Variants in SGK1 observed in about 807,000 individuals in gnomAD.
SGK1 encodes the protein serine/threonine-protein kinase Sgk1.
Under a neutral mutation model 64.2 loss-of-function variants are expected in SGK1, and 26 were observed. The observed-to-expected ratio is 0.40, with a 90% CI of 0.30 to 0.56. SGK1 has a LOEUF of 0.56. Among genes scored for constraint, SGK1 ranks in the 20% least tolerant of loss-of-function variants. The pLI is 0.38. For missense variants in SGK1, 519 were observed against 645.6 expected, an observed-to-expected ratio of 0.80 and a Z score of 2.12; for synonymous variants, 265 against 239.7, an observed-to-expected ratio of 1.11 and a Z score of -0.98.
chr6:134,307,161 T>C (rs1213505710), intron 1 of SGK1, among the ~76,000 whole-genome samples: 1 of 152,260 alleles, frequency 6.6e-6, no homozygotes, highest in African/African-American at 2.4e-5. Context: ...TTTAATGTGT[T>C]TGCTTTGCAC....
At chr6:134,316,746 A>G (rs1327912155) in intron 1 of SGK1, among the ~76,000 whole-genome samples, 1 of 56,128 alleles carries the variant, frequency 1.8e-5, no homozygotes, top group African/African-American at 6.7e-5. Flanking sequence ...TCTCTCCCAA[A>G]AAAAAAAAAA....
intron 3 of SGK1, among the ~76,000 whole-genome samples, chr6:134,186,964 C>T (rs1478610089): frequency 6.6e-6 from 1 of 151,914 alleles, no homozygotes; most frequent in Non-Finnish European, 1.5e-5. Context: ...TTACAGGCAC[C>T]CACCACTATG....
At chr6:134,228,436 T>C (rs1490360750) in intron 2 of SGK1, among the ~76,000 whole-genome samples, 1 of 152,130 alleles carries the variant, frequency 6.6e-6, no homozygotes, top group Admixed American at 6.6e-5. Flanking sequence ...TGAAAAAAGG[T>C]AAGAGGGGCA....
chr6:134,284,457 TATG>T (rs1777147195), intron 1 of SGK1, among the ~76,000 whole-genome samples: 1 of 151,378 alleles, frequency 6.6e-6, no homozygotes, highest in African/African-American at 2.4e-5. Context: ...AGTGAGAACA[TATG>T]ATATTTGGCT....
intron 1 of SGK1, among the ~76,000 whole-genome samples, chr6:134,294,261 T>G (rs1777307878): frequency 6.6e-6 from 1 of 152,166 alleles, no homozygotes; most frequent in African/African-American, 2.4e-5. Flanking sequence ...TTTACCACTT[T>G]AGCCATTTTT....
At chr6:134,267,871 T>C (rs1055720052) in intron 1 of SGK1, among the ~76,000 whole-genome samples, 1 of 152,178 alleles carries the variant, frequency 6.6e-6, no homozygotes, top group African/African-American at 2.4e-5. Flanking sequence ...TGTTGCTGAA[T>C]TTTACTGCAT....
chr6:134,296,735 CTT>C (rs999141146), intron 1 of SGK1, among the ~76,000 whole-genome samples: 2 of 81,540 alleles, frequency 2.5e-5, no homozygotes, highest in Non-Finnish European at 4.8e-5. Flanking sequence ...GCATTCAGCT[CTT>C]TTTTTTTTGG....
At chr6:134,179,905 G>A (rs1231653226) in intron 3 of SGK1, among the ~76,000 whole-genome samples, 1 of 152,134 alleles carries the variant, frequency 6.6e-6, no homozygotes, top group Non-Finnish European at 1.5e-5. Context: ...AAATTAAAGA[G>A]AAGCCAGTGG....
chr6:134,181,117 G>A (rs1308440835), intron 3 of SGK1, among the ~76,000 whole-genome samples: 2 of 152,166 alleles, frequency 1.3e-5, no homozygotes, highest in East Asian at 3.9e-4. Flanking sequence ...TCCCCCACAA[G>A]TCCAGCAGCC....
At chr6:134,235,279 G>C (rs1776344506) in intron 2 of SGK1, among the ~76,000 whole-genome samples, 1 of 152,174 alleles carries the variant, frequency 6.6e-6, no homozygotes, top group South Asian at 2.1e-4. Context: ...GATGTGCTAT[G>C]TAAGCTTTCA....
intron 2 of SGK1, chr6:134,260,436 C>T: frequency 7.3e-6 from 1 of 137,892 alleles, no homozygotes; most frequent in Non-Finnish European, 1.5e-5. Flanking sequence ...ATTTGGAAAG[C>T]CGACGCAGGT....
At chr6:134,274,757 A>G (rs1319684954) in intron 1 of SGK1, among the ~76,000 whole-genome samples, 1 of 150,994 alleles carries the variant, frequency 6.6e-6, no homozygotes, top group Non-Finnish European at 1.5e-5. Flanking sequence ...CGATTCCTAA[A>G]GCCATTCCTT....
chr6:134,185,140 T>C (rs1775401545), intron 3 of SGK1, among the ~76,000 whole-genome samples: 1 of 152,242 alleles, frequency 6.6e-6, no homozygotes, highest in Non-Finnish European at 1.5e-5. Flanking sequence ...TAGAAAAGTA[T>C]GCCATTGTAA....
At chr6:134,284,696 T>C (rs1777155296) in intron 1 of SGK1, among the ~76,000 whole-genome samples, 2 of 152,086 alleles carry the variant, frequency 1.3e-5, no homozygotes, top group African/African-American at 2.4e-5. Context: ...ACAGGCCAGT[T>C]TGGTCTCTAA....
At chr6:134,307,676 C>T (rs117411087) in intron 1 of SGK1, among the ~76,000 whole-genome samples, 1,885 of 152,248 alleles carry the variant, frequency 0.012, 18 homozygotes, top group South Asian at 0.026. Context: ...AAGGTATGTA[C>T]GTGTTCAGTA....
chr6:134,297,580 G>C (rs1322689296), intron 1 of SGK1: 1 of 488,622 alleles, frequency 2.0e-6, no homozygotes, highest in Non-Finnish European at 4.0e-6. Flanking sequence ...TCGGCTCACT[G>C]CAAGCTCCGC....
At chr6:134,288,537 A>G (rs1325191514) in intron 1 of SGK1, among the ~76,000 whole-genome samples, 1 of 152,200 alleles carries the variant, frequency 6.6e-6, no homozygotes, top group Non-Finnish European at 1.5e-5. Flanking sequence ...CCATTTTATG[A>G]TGAGAAATAC....
chr6:134,296,907 G>C, intron 1 of SGK1: 1 of 326,344 alleles, frequency 3.1e-6, no homozygotes. Flanking sequence ...TGGGTCTCCT[G>C]TTCCCTGTCC....
chr6:134,262,338 A>T (rs754640109), intron 1 of SGK1, among the ~76,000 whole-genome samples, 190 bp from the exon 2 acceptor site: 2 of 152,106 alleles, frequency 1.3e-5, no homozygotes, highest in African/African-American at 4.8e-5. Context: ...TAGAGTATGC[A>T]TTACATGGCT....
Sources: gnomAD v4.1 joint callset for allele counts (sites outside exome capture counted in the v4.1 genomes callset) on GRCh38, gnomAD v4.1.1 for gene constraint, MANE v1.5 for transcripts, NCBI Gene and HGNC (gene_info 2026-07-23, HGNC 2026-07-21) for gene names.